The following SNURF variants were observed in gnomAD, a reference collection of about 807,000 sequenced individuals.
The protein encoded by SNURF is SNRPN upstream open reading frame.
Under a neutral mutation model 11.6 loss-of-function variants are expected in SNURF, and 6 were observed. The ratio of observed to expected loss-of-function variants is 0.52; its 90% CI spans 0.28 to 1.02. The LOEUF is 1.02. Ranked by LOEUF, SNURF falls within the 50% of genes least tolerant of loss-of-function variation. SNURF has a pLI of 0.09. For missense variants in SNURF, 84 were observed against 88.4 expected (o/e 0.95, Z 0.20); for synonymous variants, 29 against 31.6 (o/e 0.92, Z 0.27).
downstream of SNURF, chr15:24,968,715 C>G (rs2076015334): frequency 6.6e-6 from 1 of 152,132 alleles, no homozygotes; most frequent in Admixed American, 6.5e-5. Context: ...CTTTCTCATG[C>G]TTATTTACTA....
At chr15:24,974,605 G>C in intron 3 of SNURF, 1 of 787,314 alleles carries the variant, frequency 1.3e-6, no homozygotes, top group South Asian at 1.5e-5. Context: ...AGTATCAGCT[G>C]AAGATGAGCT....
chr15:24,960,112 A>T (rs563457467), intron 1 of SNURF, among the ~76,000 whole-genome samples: 72 of 152,044 alleles, frequency 4.7e-4, no homozygotes, highest in Admixed American at 1.4e-3. Flanking sequence ...TATAAATACA[A>T]AAATTAGCTG....
At chr15:24,974,342 C>T (rs2076818695) in intron 3 of SNURF, 2 of 951,730 alleles carry the variant, frequency 2.1e-6, no homozygotes, top group Non-Finnish European at 3.5e-6. Context: ...TTCTGCCCAG[C>T]TTGCATTGTT....
At chr15:24,972,784 G>A (rs1253277931), downstream of SNURF, among the ~76,000 whole-genome samples, 1 of 129,360 alleles carries the variant, frequency 7.7e-6, no homozygotes, top group African/African-American at 3.4e-5. Context: ...GCTTGATTAC[G>A]GTCATGAGCT....
At chr15:24,957,893 TG>T (rs1028975173) in intron 1 of SNURF, among the ~76,000 whole-genome samples, 8 of 152,174 alleles carry the variant, frequency 5.3e-5, no homozygotes, top group Non-Finnish European at 8.8e-5. Context: ...CAGATCCCTT[TG>T]GAAAGGCCTC....
chr15:24,967,922 C>G lies in SNURF; in HGVS notation c.111-10C>G, dbSNP rs745706896. 6.2e-7 allele frequency: 1 copy of G among 1,608,352 alleles called. No homozygotes were observed. The highest frequency in any genetic ancestry group is 1.7e-5 in the Admixed American group (1 of 59,812). On this transcript the variant is annotated splice_polypyrimidine_tract_variant and intron_variant, in intron 2 of 2. Transcript: ENST00000577949. ...TTTTATCATTTATATATATTGTGCTCTTGTTGTAGGTGTCAGTTGTACCCG... is the reference window on the plus strand; with the variant it reads ...TTTTATCATTTATATATATTGTGCTGTTGTTGTAGGTGTCAGTTGTACCCG...
At chr15:24,963,745 T>C (rs966426047) in intron 2 of SNURF, among the ~76,000 whole-genome samples, 1 of 151,968 alleles carries the variant, frequency 6.6e-6, no homozygotes, top group Non-Finnish European at 1.5e-5. Flanking sequence ...TCATTTTATA[T>C]GTGAAAAGTT....
At chr15:24,957,086 T>C (rs1345628116) in intron 1 of SNURF, among the ~76,000 whole-genome samples, 1 of 151,574 alleles carries the variant, frequency 6.6e-6, no homozygotes, top group Admixed American at 6.6e-5. Flanking sequence ...TGTTAACCCC[T>C]TTTTTTTAAC....
chr15:24,964,809 T>C (rs1305659737), intron 2 of SNURF, among the ~76,000 whole-genome samples: 2 of 152,188 alleles, frequency 1.3e-5, no homozygotes, highest in Non-Finnish European at 2.9e-5. Flanking sequence ...AAATAACAGG[T>C]AGTCTCATCC....
At chr15:24,966,442 G>A (rs12594564) in intron 2 of SNURF, among the ~76,000 whole-genome samples, 3 of 152,170 alleles carry the variant, frequency 2.0e-5, no homozygotes, top group East Asian at 3.9e-4. Context: ...GATTTTTGTT[G>A]GGGATTCATT....
intron 1 of SNURF, among the ~76,000 whole-genome samples, chr15:24,956,197 G>A (rs2062838011): frequency 6.6e-6 from 1 of 152,170 alleles, no homozygotes; most frequent in African/African-American, 2.4e-5. Context: ...GGTGATGCCT[G>A]GGGGTTACTT....
chr15:24,976,481 T>C, intron 5 of SNURF: 1 of 1,094,520 alleles, frequency 9.1e-7, no homozygotes, highest in Non-Finnish European at 1.4e-6. Context: ...GTGAGATGTC[T>C]GAAATCAGGG....
exon 2 of SNURF, chr15:24,962,167 T>G: frequency 6.2e-7 from 1 of 1,614,036 alleles, no homozygotes; most frequent in Non-Finnish European, 8.5e-7. Flanking sequence ...GAGGTGGAAG[T>G]CCAAGTCAAA....
At chr15:24,973,512 C>T (rs372241262), downstream of SNURF, among the ~76,000 whole-genome samples, 10 of 152,262 alleles carry the variant, frequency 6.6e-5, no homozygotes, top group East Asian at 1.7e-3. Context: ...ATTCTCCTAC[C>T]TCAGCCTCTC....
intron 3 of SNURF, chr15:24,974,572 G>T: frequency 1.0e-6 from 1 of 952,902 alleles, no homozygotes; most frequent in South Asian, 1.3e-5. Context: ...ATACATCCAT[G>T]GATATGGATT....
At chr15:24,972,084 C>T (rs1327329031), downstream of SNURF, among the ~76,000 whole-genome samples, 3 of 151,948 alleles carry the variant, frequency 2.0e-5, no homozygotes, top group Non-Finnish European at 4.4e-5. Flanking sequence ...AGCGAAATTC[C>T]TTCTCTGCTA....
At chr15:24,974,251 G>T (rs1596329712) in intron 3 of SNURF, 1 of 591,844 alleles carries the variant, frequency 1.7e-6, no homozygotes, top group East Asian at 2.9e-5. Flanking sequence ...ATGCAAAATT[G>T]TCTGCCTGTT....
chr15:24,955,890 C>T (rs220028), intron 1 of SNURF, among the ~76,000 whole-genome samples: 71,987 of 151,112 alleles, frequency 0.48, 18,321 homozygotes, highest in African/African-American at 0.65. Context: ...TGTCGCTGTC[C>T]GGAGTGACTA....
At chr15:24,961,990 A>G in intron 1 of SNURF, 124 bp from the exon 2 acceptor site, 1 of 877,450 alleles carries the variant, frequency 1.1e-6, no homozygotes, top group Non-Finnish European at 1.9e-6. Context: ...TAATAATTTT[A>G]CCTTGTTTTA....
Sources: gnomAD v4.1 joint callset for allele counts (sites outside exome capture counted in the v4.1 genomes callset) on GRCh38, gnomAD v4.1.1 for gene constraint, MANE v1.5 for transcripts, NCBI Gene and HGNC (gene_info 2026-07-23, HGNC 2026-07-21) for gene names.